STX8: variants seen among roughly 807,000 people sequenced by gnomAD.
STX8 encodes the protein syntaxin 8.
A neutral mutation model predicts 37.5 loss-of-function variants in STX8; 23 were observed. The ratio of observed to expected loss-of-function variants is 0.61; its 90% CI spans 0.44 to 0.87. The LOEUF (loss-of-function observed/expected upper bound fraction) is 0.87, where lower values mean the gene tolerates loss of function less well. Among genes scored for constraint, STX8 ranks in the 40% least tolerant of loss-of-function variants. The pLI, the probability that STX8 is intolerant of heterozygous loss-of-function variation, is 0.00. For missense variants in STX8, 313 were observed against 284.7 expected (o/e 1.10, Z -0.71); for synonymous variants, 115 against 99.1 (o/e 1.16, Z -0.95).
intron 7 of STX8, among the ~76,000 whole-genome samples, chr17:9,297,667 A>G (rs1449510678): frequency 1.3e-5 from 2 of 152,170 alleles, no homozygotes; most frequent in African/African-American, 4.8e-5. Context: ...CAAGAGTTCA[A>G]AACCACCCTG....
chr17:9,277,334 G>T (rs981672932), intron 7 of STX8, among the ~76,000 whole-genome samples: 1 of 152,088 alleles, frequency 6.6e-6, no homozygotes, highest in East Asian at 1.9e-4. Context: ...ATAAGAGAAG[G>T]GATAGCTGGA....
chr17:9,427,150 C>T (rs1235033610), intron 6 of STX8, among the ~76,000 whole-genome samples: 1 of 152,138 alleles, frequency 6.6e-6, no homozygotes, highest in Non-Finnish European at 1.5e-5. Flanking sequence ...GTATTCGTGG[C>T]TTAGTTGTTC....
intron 7 of STX8, among the ~76,000 whole-genome samples, chr17:9,311,853 C>CT (rs962751764): frequency 2.2e-4 from 33 of 149,342 alleles, no homozygotes; most frequent in African/African-American, 3.9e-4. Flanking sequence ...CTCTTTTTTT[C>CT]TTTTTTTTTT....
chr17:9,403,059 G>C (rs1224409315), intron 6 of STX8, among the ~76,000 whole-genome samples: 1 of 152,106 alleles, frequency 6.6e-6, no homozygotes, highest in Non-Finnish European at 1.5e-5. Context: ...AAGAGACAAA[G>C]GGCATTGTAG....
At chr17:9,389,625 A>T (rs1163449523) in intron 6 of STX8, among the ~76,000 whole-genome samples, 1 of 151,864 alleles carries the variant, frequency 6.6e-6, no homozygotes, top group African/African-American at 2.4e-5. Flanking sequence ...TACATTCTAT[A>T]TATAGGGAGA....
intron 7 of STX8, among the ~76,000 whole-genome samples, chr17:9,285,569 T>C (rs1436849452): frequency 1.3e-5 from 2 of 152,124 alleles, no homozygotes; most frequent in Non-Finnish European, 2.9e-5. Flanking sequence ...GCCCAGAACA[T>C]TACACACAAT....
At chr17:9,399,330 C>T (rs1597647719) in intron 6 of STX8, among the ~76,000 whole-genome samples, 2 of 152,094 alleles carry the variant, frequency 1.3e-5, no homozygotes, top group East Asian at 3.9e-4. Flanking sequence ...GTACTGTTTC[C>T]ATTCATCCTT....
At chr17:9,537,578 A>AGTC (rs1906109695) in intron 4 of STX8, among the ~76,000 whole-genome samples, 1 of 151,582 alleles carries the variant, frequency 6.6e-6, no homozygotes, top group Non-Finnish European at 1.5e-5. Context: ...GTCCTGGCTC[A>AGTC]ATCTTTCTGT....
intron 6 of STX8, among the ~76,000 whole-genome samples, chr17:9,423,632 T>C (rs1332342871): frequency 2.0e-5 from 3 of 152,172 alleles, no homozygotes; most frequent in African/African-American, 4.8e-5. Context: ...CCAAATGTTA[T>C]GTTTTTAAGG....
chr17:9,362,279 C>G (rs190134970), intron 7 of STX8, among the ~76,000 whole-genome samples: 1 of 151,994 alleles, frequency 6.6e-6, no homozygotes, highest in African/African-American at 2.4e-5. Flanking sequence ...GCAGTGAGAT[C>G]GTACCACTGT....
intron 6 of STX8, among the ~76,000 whole-genome samples, chr17:9,486,786 G>A (rs896453631): frequency 1.3e-5 from 2 of 152,184 alleles, no homozygotes; most frequent in Non-Finnish European, 2.9e-5. Context: ...TTGAGCCTGG[G>A]AGATGGAGGA....
At position 9,511,819 on chromosome 17, in the gene STX8, G is replaced by T. The variant is rs142175662; in HGVS notation, c.324-6657C>A. Among the ~76,000 whole-genome samples the T allele has an allele frequency of 3.7e-4, 57 of 152,108 alleles. 1 individual carries two copies. The East Asian group carries it at 0.01, about 27-fold the overall frequency. On this transcript the variant is annotated intron_variant, in intron 4 of 7. Coordinates refer to ENST00000306357, the MANE Select transcript of STX8 (RefSeq NM_004853.3). ...AATTGTTTCTGTTTGCAGAAAACAT[G>T]ATCTTATAGAGAGAAAAGCCTAAAG...
intron 4 of STX8, among the ~76,000 whole-genome samples, chr17:9,512,911 C>T (rs1461279523): frequency 6.6e-6 from 1 of 152,190 alleles, no homozygotes; most frequent in South Asian, 2.1e-4. Flanking sequence ...ATGTAAAACC[C>T]AAAACCATAA....
At chr17:9,417,449 G>T (rs148284665) in intron 6 of STX8, among the ~76,000 whole-genome samples, 1 of 152,058 alleles carries the variant, frequency 6.6e-6, no homozygotes, top group Non-Finnish European at 1.5e-5. Flanking sequence ...TAGTTAGTTG[G>T]GGTATAATAA....
chr17:9,461,980 T>A (rs933827718), intron 6 of STX8, among the ~76,000 whole-genome samples: 1 of 152,046 alleles, frequency 6.6e-6, no homozygotes. Flanking sequence ...CTGCCGCTCA[T>A]CTGACAGGAG....
intron 6 of STX8, among the ~76,000 whole-genome samples, chr17:9,464,479 C>T (rs1304074378): frequency 6.6e-6 from 1 of 152,056 alleles, no homozygotes; most frequent in African/African-American, 2.4e-5. Flanking sequence ...AGCAAAATAG[C>T]ACAAGAAGGG....
intron 4 of STX8, among the ~76,000 whole-genome samples, chr17:9,522,042 T>G (rs925115142): frequency 1.3e-5 from 2 of 152,176 alleles, no homozygotes; most frequent in Admixed American, 6.5e-5. Context: ...CATCATTTTT[T>G]TGGGTCTCCA....
intron 7 of STX8, among the ~76,000 whole-genome samples, chr17:9,329,050 CAAAAAAAAAAAAAAA>C (rs998679728): frequency 7.2e-3 from 202 of 28,008 alleles, no homozygotes; most frequent in Non-Finnish European, 0.015. Context: ...GATTCCATCT[CAAAAAAAAAAAAAAA>C]AAAAAAAAAA....
At chr17:9,263,989 T>C (rs958166599) in intron 7 of STX8, among the ~76,000 whole-genome samples, 1 of 152,184 alleles carries the variant, frequency 6.6e-6, no homozygotes, top group African/African-American at 2.4e-5. Flanking sequence ...TCATAAAGAT[T>C]ACACACCCTT....
Sources: gnomAD v4.1 joint callset for allele counts (sites outside exome capture counted in the v4.1 genomes callset) on GRCh38, gnomAD v4.1.1 for gene constraint, MANE v1.5 for transcripts, NCBI Gene and HGNC (gene_info 2026-07-23, HGNC 2026-07-21) for gene names.